PLCB1: variants seen among roughly 807,000 people sequenced by gnomAD.
The protein encoded by PLCB1 is phospholipase C beta 1.
PLCB1 carries 46 observed loss-of-function variants against 161.8 expected under a neutral mutation model. That is an observed-to-expected ratio of 0.28 (90% CI 0.22 to 0.36). The LOEUF is 0.36. Among genes scored for constraint, PLCB1 ranks in the 10% least tolerant of loss-of-function variants. The probability of loss-of-function intolerance (pLI) is 1.00; values close to 1 mark genes in which losing one functional copy is unlikely to be tolerated. For missense variants in PLCB1, 1,016 were observed against 1,472.5 expected (o/e 0.69, Z 5.07); for synonymous variants, 517 against 503.7 (o/e 1.03, Z -0.35).
At chr20:8,663,661 A>G (rs1989741116) in intron 9 of PLCB1, among the ~76,000 whole-genome samples, 1 of 152,156 alleles carries the variant, frequency 6.6e-6, no homozygotes, top group Non-Finnish European at 1.5e-5. Context: ...GGTTCCAGAA[A>G]GAGAGAATTT....
chr20:8,361,819 A>T (rs1229816380), intron 2 of PLCB1, among the ~76,000 whole-genome samples: 2 of 152,218 alleles, frequency 1.3e-5, no homozygotes, highest in African/African-American at 4.8e-5. Flanking sequence ...TTTCAAGTGG[A>T]AACAGCTTGT....
At chr20:8,414,532 T>A (rs1399247679) in intron 3 of PLCB1, among the ~76,000 whole-genome samples, 7 of 152,116 alleles carry the variant, frequency 4.6e-5, no homozygotes, top group African/African-American at 1.7e-4. Flanking sequence ...ACAAACAGCA[T>A]GGGATGTTGG....
intron 2 of PLCB1, among the ~76,000 whole-genome samples, chr20:8,232,146 G>A (rs992614065): frequency 6.6e-6 from 1 of 151,974 alleles, no homozygotes; most frequent in Non-Finnish European, 1.5e-5. Context: ...GTTCAAGGCT[G>A]TAGTGCACCA....
At chr20:8,808,159 C>T (rs1173544813) in intron 31 of PLCB1, among the ~76,000 whole-genome samples, 2 of 152,164 alleles carry the variant, frequency 1.3e-5, no homozygotes, top group Admixed American at 6.5e-5. Context: ...TGTTGTGTTA[C>T]TCTGCTCAGC....
chr20:8,319,864 G>T (rs930901778), intron 2 of PLCB1, among the ~76,000 whole-genome samples: 1 of 151,486 alleles, frequency 6.6e-6, no homozygotes, highest in Non-Finnish European at 1.5e-5. Context: ...GGGGAAGGGG[G>T]AGGGATAGCA....
chr20:8,449,575 C>T (rs572681232), intron 3 of PLCB1, among the ~76,000 whole-genome samples: 7 of 152,290 alleles, frequency 4.6e-5, no homozygotes, highest in East Asian at 3.9e-4. Flanking sequence ...GGATGGTTTC[C>T]GGGTAAACTC....
intron 9 of PLCB1, among the ~76,000 whole-genome samples, chr20:8,659,999 A>C (rs1989578896): frequency 6.6e-6 from 1 of 151,588 alleles, no homozygotes; most frequent in South Asian, 2.1e-4. Flanking sequence ...CTCAAAAAAA[A>C]AAAAAAAAAG....
At position 8,729,799 on chromosome 20, in the gene PLCB1, G is replaced by C. The variant is rs562187972; in HGVS notation, c.1888+625G>C. On this transcript the variant is annotated intron_variant, in intron 18 of 31. Coordinates refer to ENST00000338037, the MANE Select transcript of PLCB1 (RefSeq NM_015192.4). ...ACGTTAAAAGATGTGAACAGTTTAA[G>C]TACCTTTATGAATATTGCCAAATTG... 3 of 151,992 alleles carry C rather than the reference G, an allele frequency of 2.0e-5. No homozygotes were observed. The East Asian group carries it at 5.8e-4, about 29-fold the overall frequency. The allele number at this position is 151,992 out of a possible 1,614,324, so 9.4% of individuals were successfully genotyped here. A position where few individuals can be genotyped will look rare whatever the true frequency, so the allele number is the denominator to read the frequency against.
chr20:8,764,604 C>G (rs762509692), intron 25 of PLCB1, among the ~76,000 whole-genome samples: 1 of 152,150 alleles, frequency 6.6e-6, no homozygotes, highest in Non-Finnish European at 1.5e-5. Flanking sequence ...CAAAATTGCC[C>G]TCAACCAAAA....
chr20:8,744,486 T>TA (rs1428119054), intron 23 of PLCB1, among the ~76,000 whole-genome samples: 2 of 152,066 alleles, frequency 1.3e-5, no homozygotes, highest in Middle Eastern at 3.4e-3. Flanking sequence ...CACATGCCTG[T>TA]AATCCCAGCT....
At chr20:8,311,732 G>A (rs1481932771) in intron 2 of PLCB1, among the ~76,000 whole-genome samples, 3 of 152,154 alleles carry the variant, frequency 2.0e-5, no homozygotes, top group African/African-American at 7.2e-5. Context: ...GCTTTTTTAA[G>A]TTGCCACTTG....
chr20:8,449,633 ATCGTTTCTTAG>A (rs950257429), intron 3 of PLCB1, among the ~76,000 whole-genome samples: 6 of 152,126 alleles, frequency 3.9e-5, no homozygotes, highest in Non-Finnish European at 8.8e-5. Flanking sequence ...ACATACTACA[ATCGTTTCTTAG>A]AGTGTCCCTA....
At chr20:8,735,141 T>C (rs114869028) in intron 19 of PLCB1, among the ~76,000 whole-genome samples, 2 of 152,362 alleles carry the variant, frequency 1.3e-5, no homozygotes, top group African/African-American at 2.4e-5. Context: ...CATGTACTGA[T>C]AGAATGCTAC....
chr20:8,759,576 C>T (rs182195858), intron 24 of PLCB1, among the ~76,000 whole-genome samples: 139 of 152,308 alleles, frequency 9.1e-4, no homozygotes, highest in African/African-American at 3.2e-3. Flanking sequence ...TCTCAGCTCA[C>T]TGCAACCTCT....
chr20:8,741,785 G>A (rs1261531581), intron 23 of PLCB1, among the ~76,000 whole-genome samples: 1 of 152,158 alleles, frequency 6.6e-6, no homozygotes, highest in Non-Finnish European at 1.5e-5. Context: ...TGGATACCAC[G>A]AGCATCTTAT....
chr20:8,258,335 T>C (rs1247936893), intron 2 of PLCB1, among the ~76,000 whole-genome samples: 3 of 152,180 alleles, frequency 2.0e-5, no homozygotes, highest in Non-Finnish European at 4.4e-5. Flanking sequence ...GGACCTCATA[T>C]AAAGCATTGA....
chr20:8,492,931 T>G (rs6055858), intron 3 of PLCB1, among the ~76,000 whole-genome samples: 24,499 of 151,882 alleles, frequency 0.16, 2,429 homozygotes, highest in African/African-American at 0.28. Flanking sequence ...GTTCATTACA[T>G]AAGTTCCTAA....
Position 8,884,479 on chromosome 20 carries a change from G to T in PLCB1, c.*2630G>T, listed in dbSNP as rs1988104149. 1 of 152,460 alleles carries T rather than the reference G, an allele frequency of 6.6e-6. No individual in the cohort carries two copies. The highest frequency in any genetic ancestry group is 2.4e-5 in the African/African-American group (1 of 41,398). The allele number at this position is 152,460 out of a possible 1,614,324, so 9.4% of individuals were successfully genotyped here. On this transcript the variant is annotated 3_prime_UTR_variant, in exon 32 of 32. Coordinates refer to ENST00000338037, the MANE Select transcript of PLCB1 (RefSeq NM_015192.4). ...TTGGCCATGTAAACCAATTTTCAAAGTTCTAATGACATAGCCATGTGTTTT... is the reference window on the plus strand; with the variant it reads ...TTGGCCATGTAAACCAATTTTCAAATTTCTAATGACATAGCCATGTGTTTT...
At chr20:8,502,849 TG>T (rs1983481299) in intron 3 of PLCB1, among the ~76,000 whole-genome samples, 1 of 152,222 alleles carries the variant, frequency 6.6e-6, no homozygotes, top group Non-Finnish European at 1.5e-5. Flanking sequence ...AGTTTAATTT[TG>T]TTTTACTCCT....
Sources: gnomAD v4.1 joint callset for allele counts (sites outside exome capture counted in the v4.1 genomes callset) on GRCh38, gnomAD v4.1.1 for gene constraint, MANE v1.5 for transcripts, NCBI Gene and HGNC (gene_info 2026-07-23, HGNC 2026-07-21) for gene names.